Variants in TTC38 observed in about 807,000 individuals in gnomAD.
TTC38 encodes tetratricopeptide repeat protein 38.
TTC38 carries 64 observed loss-of-function variants against 64.2 expected under a neutral mutation model. That is an observed-to-expected ratio of 1.00 (90% CI 0.81 to 1.23). The LOEUF is 1.23. Among genes scored for constraint, TTC38 ranks in the 50% most tolerant of loss-of-function variants. TTC38 has a pLI of 0.00. For synonymous variants in TTC38, 254 were observed against 249.3 expected, an observed-to-expected ratio of 1.02 and a Z score of -0.18; for missense variants, 573 against 615.5, an observed-to-expected ratio of 0.93 and a Z score of 0.73.
chr22:46,276,759 A>AAATATATATT lies in TTC38; in HGVS notation c.539+1340_539+1341insTATATATTAA, dbSNP rs1569017541. ...AAAATATATATAAAATACATATATT[A>AAATATATATT]AAAATATATATTAAATATATATTAA... On this transcript the variant is annotated intron_variant, in intron 5 of 13. Transcript: ENST00000381031. The surrounding 1 kb of genome is among the most constrained non-coding windows in gnomAD (Gnocchi z 4.7). Among the ~76,000 whole-genome samples, 3 of 145,166 alleles carry AAATATATATT rather than the reference A, an allele frequency of 2.1e-5. No individual in the cohort carries two copies. The highest frequency in any genetic ancestry group is 7.6e-5 in the African/African-American group (3 of 39,680).
rs9615933 is a variant in TTC38 at position 46,281,401 on chromosome 22, G to A, written c.616-198G>A. On this transcript the variant is annotated intron_variant, in intron 6 of 13. Coordinates refer to ENST00000381031, the MANE Select transcript of TTC38 (RefSeq NM_017931.4). The surrounding 1 kb of genome is among the most constrained non-coding windows in gnomAD (Gnocchi z 5.2). ...CTTCCTCATCTGTGAACTGGGCAGT[G>A]AGACCCATGAGCTGGTGTGCCCGGG... Among the ~76,000 whole-genome samples, 10,736 of 152,240 alleles carry A rather than the reference G, an allele frequency of 0.071. 528 individuals carry two copies. The highest frequency in any genetic ancestry group is 0.11 in the Non-Finnish European group (7,258 of 67,986).
chr22:46,279,405 T>C (rs1012233311), intron 6 of TTC38, among the ~76,000 whole-genome samples: 2 of 152,216 alleles, frequency 1.3e-5, no homozygotes, highest in African/African-American at 4.8e-5. Flanking sequence ...GATGTCCAAC[T>C]CCTTGTTGCC....
In TTC38 at chr22:46,289,426, C is replaced by G; in HGVS notation, c.1107C>G (p.His369Gln). The part of the protein sequence containing the change: ...ASESPGENCQ[H>Q]LLARDVGLPL... ...GATCCCCAGGGGAGAACTGCCAGCA[C>G]CTCCTGGCCCGAGACGTGGGGCTGC... is the stretch of plus-strand genomic sequence containing the variant. Residue 369 changes from histidine (H) to glutamine (Q), a missense_variant, in exon 12 of 14, where the codon CAC (histidine) becomes CAG (glutamine). By Grantham distance (24) the His-to-Gln change is conservative. Coordinates refer to ENST00000381031, the MANE Select transcript of TTC38 (RefSeq NM_017931.4). The G allele has an allele frequency of 2.5e-6, 4 of 1,609,520 alleles. No individual in the cohort carries two copies. The highest frequency in any genetic ancestry group is 3.4e-6 in the Non-Finnish European group (4 of 1,179,748).
At chr22:46,289,761 T>C in intron 12 of TTC38, 65 bp from the exon 13 acceptor site, 1 of 1,560,102 alleles carries the variant, frequency 6.4e-7, no homozygotes, top group African/African-American at 1.4e-5. Flanking sequence ...CAGCCCGCGG[T>C]GGGCGGGGGC....
Position 46,283,901 on chromosome 22 carries a change from C to G in TTC38, c.736-72C>G, listed in dbSNP as rs1159780478. The G allele has an allele frequency of 5.5e-6, 3 of 547,118 alleles. No individual in the cohort carries two copies. The African/African-American group carries it at 6.7e-5, about 12-fold the overall frequency. The allele number at this position is 547,118 out of a possible 1,614,324, so 33.9% of individuals were successfully genotyped here. On this transcript the variant is annotated intron_variant, in intron 7 of 13. Transcript: ENST00000381031. Reference sequence around the variant, plus strand: ...AAAGATGATGGTTTCTGCATTAGCACAAAACAACATTTGTTTTTTTCCCAT... The same window carrying G: ...AAAGATGATGGTTTCTGCATTAGCAGAAAACAACATTTGTTTTTTTCCCAT...
intron 7 of TTC38, 122 bp from the exon 8 acceptor site, chr22:46,283,851 C>CAAAAAAAAAA (rs58477670): frequency 1.4e-5 from 3 of 210,768 alleles, no homozygotes; most frequent in South Asian, 3.5e-5. Flanking sequence ...GACTTAGTCT[C>CAAAAAAAAAA]AAAAAAAAAA....
intron 2 of TTC38, chr22:46,269,205 C>T (rs1936838908): frequency 5.8e-6 from 2 of 347,682 alleles, no homozygotes; most frequent in Admixed American, 4.1e-5. Flanking sequence ...ATGCTGGCCT[C>T]CCCGGGCCTC....
chr22:46,271,372 C>T lies in TTC38; in HGVS notation c.112-963C>T, dbSNP rs1264931161. Among the ~76,000 whole-genome samples, 2 of 152,060 alleles carry T rather than the reference C, an allele frequency of 1.3e-5. No homozygotes were observed. Among genetic ancestry groups the T allele is most frequent in the African/African-American group, 4.8e-5 (2 of 41,380 alleles). On this transcript the variant is annotated intron_variant, in intron 2 of 13. Transcript: ENST00000381031. This position sits in a 1 kb window ranked among gnomAD's most constrained non-coding sequence, Gnocchi z 5.5. The stretch of plus-strand genomic sequence containing the variant: ...GGATTACAGGCGCCCACCACCACAC[C>T]CGGCTGATTTTTTGTATCTTTAGTA...
rs1054283896 is a variant in TTC38 at position 46,273,757 on chromosome 22, G to T, written c.194-141G>T. ...GCCGAGGCTGAGTTCTAGACAGTAG[G>T]CAGGGCCACAGTGCCCAGCCTGCTG... On this transcript the variant is annotated intron_variant, in intron 3 of 13. Coordinates refer to ENST00000381031, the MANE Select transcript of TTC38 (RefSeq NM_017931.4). This position sits in a 1 kb window ranked among gnomAD's most constrained non-coding sequence, Gnocchi z 5.1. 11 of 741,504 alleles carry T rather than the reference G, an allele frequency of 1.5e-5. 1 individual carries two copies. The highest frequency in any genetic ancestry group is 3.9e-4 in the Middle Eastern group (1 of 2,550). 45.9% of individuals were successfully genotyped at this position (741,504 alleles called of 1,614,324 possible).
rs2077628083 is a variant in TTC38, at chr22:46,293,073, T to A, written c.*189T>A. ...AATGTGATTCCGAATCTCCTTTCAG[T>A]CCTCGAGAAGGGCCAATGAGCATTT... On this transcript the variant is annotated 3_prime_UTR_variant, in exon 14 of 14. Coordinates refer to ENST00000381031, the MANE Select transcript of TTC38 (RefSeq NM_017931.4). The surrounding 1 kb of genome is among the most constrained non-coding windows in gnomAD (Gnocchi z 6.6). 1 of 574,350 alleles carries A rather than the reference T, an allele frequency of 1.7e-6. No homozygotes were observed. The highest frequency in any genetic ancestry group is 2.1e-5 in the South Asian group (1 of 48,780). The allele number at this position is 574,350 out of a possible 1,614,324, so 35.6% of individuals were successfully genotyped here.
Position 46,274,072 on chromosome 22 carries a change from GA to G in TTC38, c.365+4del. 2 of 1,613,692 alleles carry G rather than the reference GA, an allele frequency of 1.2e-6. No homozygotes were observed. The highest frequency in any genetic ancestry group is 1.7e-6 in the Non-Finnish European group (2 of 1,179,914). The stretch of plus-strand genomic sequence containing the variant: ...GCAGTAGAGACATTTGCCAATGGGT[GA>G]GGGGCCTCCCTGGGCTGGGAGCTGG... On this transcript the variant is annotated splice_donor_region_variant and intron_variant, in intron 4 of 13. Coordinates refer to ENST00000381031, the MANE Select transcript of TTC38 (RefSeq NM_017931.4). The surrounding 1 kb of genome is among the most constrained non-coding windows in gnomAD (Gnocchi z 4.8).
At chr22:46,287,841 G>A (rs1025252158) in intron 10 of TTC38, among the ~76,000 whole-genome samples, 2 of 152,252 alleles carry the variant, frequency 1.3e-5, no homozygotes, top group Admixed American at 6.5e-5. Flanking sequence ...AAGCATATGT[G>A]GGGCTTGCTG....
intron 9 of TTC38, among the ~76,000 whole-genome samples, chr22:46,286,825 G>A (rs2077575007): frequency 6.6e-6 from 1 of 152,214 alleles, no homozygotes; most frequent in African/African-American, 2.4e-5. Flanking sequence ...CTTTGGGCCT[G>A]GCCTGGGCCC....
rs1288369714 is a variant in TTC38 at position 46,273,716 on chromosome 22, T to C, written c.194-182T>C. ...GGGTGCCTTTAGGCTTGCAGTTCCC[T>C]CCATGCTTGACAAGAGCCGAGGCTG... On this transcript the variant is annotated intron_variant, in intron 3 of 13. Coordinates refer to ENST00000381031, the MANE Select transcript of TTC38 (RefSeq NM_017931.4). This position sits in a 1 kb window ranked among gnomAD's most constrained non-coding sequence, Gnocchi z 5.1. 3.3e-5 allele frequency among the ~76,000 whole-genome samples: 5 copies of C among 152,184 alleles called. No individual in the cohort carries two copies. Among genetic ancestry groups the C allele is most frequent in the African/African-American group, 9.7e-5 (4 of 41,450 alleles).
At position 46,288,526 on chromosome 22, in the gene TTC38, C is replaced by T. The variant is rs1371739808; in HGVS notation, c.1020C>T (p.Ser340=). The T allele has an allele frequency of 1.2e-6, 2 of 1,613,880 alleles. No homozygotes were observed. The highest frequency in any genetic ancestry group is 2.7e-5 in the African/African-American group (2 of 74,896). Residue 340 remains serine, a synonymous_variant, in exon 11 of 14, where the codon TCC becomes TCT. Transcript: ENST00000381031. ...LFNDAHFLMA[S]LGAHDPQTTQ... ...ATGACGCACACTTCCTGATGGCATC[C>T]CTGGGTGCACACGACCCCCAGACCA...
chr22:46,292,956 G>A lies in TTC38; in HGVS notation c.*72G>A. ...CTGCGTCCAGTCAGCTGCTCCACCGGGTTAGGGTCAGGAGACGGCCAGAGC... is the reference window on the plus strand; with the variant it reads ...CTGCGTCCAGTCAGCTGCTCCACCGAGTTAGGGTCAGGAGACGGCCAGAGC... On this transcript the variant is annotated 3_prime_UTR_variant, in exon 14 of 14. Coordinates refer to ENST00000381031, the MANE Select transcript of TTC38 (RefSeq NM_017931.4). The surrounding 1 kb of genome is among the most constrained non-coding windows in gnomAD (Gnocchi z 6.5). The A allele has an allele frequency of 7.9e-7, 1 of 1,272,464 alleles. No homozygotes were observed. Among genetic ancestry groups the A allele is most frequent in the Non-Finnish European group, 1.1e-6 (1 of 876,198 alleles). The allele number at this position is 1,272,464 out of a possible 1,614,324, so 78.8% of individuals were successfully genotyped here.
chr22:46,287,144 G>A lies in TTC38; in HGVS notation c.906G>A (p.Leu302=), dbSNP rs2077577640. 3.7e-6 allele frequency: 6 copies of A among 1,602,044 alleles called. No homozygotes were observed. Among genetic ancestry groups the A allele is most frequent in the Non-Finnish European group, 4.3e-6 (5 of 1,173,788 alleles). ...VVDSCSMLYR[L]QMEGVSVGQR... is the part of the protein sequence containing the mutation. ...ACAGCTGCTCCATGCTCTACCGCCTGCAGATGGAAGGTAGCCATCCCTGCA... is the reference window on the plus strand; with the variant it reads ...ACAGCTGCTCCATGCTCTACCGCCTACAGATGGAAGGTAGCCATCCCTGCA... The change falls in exon 10 of 14, where the codon CTG becomes CTA. Residue 302 remains leucine (L), a synonymous_variant. Coordinates refer to ENST00000381031, the MANE Select transcript of TTC38 (RefSeq NM_017931.4).
At position 46,276,821 on chromosome 22, in the gene TTC38, T is replaced by TTAAA. The variant is rs2077492551; in HGVS notation, c.539+1403_539+1406dup. On this transcript the variant is annotated intron_variant, in intron 5 of 13. Transcript: ENST00000381031. This position sits in a 1 kb window ranked among gnomAD's most constrained non-coding sequence, Gnocchi z 4.7. The stretch of plus-strand genomic sequence containing the variant: ...AAAATTATATATTAAAATATATATA[T>TTAAA]TAAATATATATATATATATAAACAT... Among the ~76,000 whole-genome samples, 2 of 124,656 alleles carry TTAAA rather than the reference T, an allele frequency of 1.6e-5. No homozygotes were observed. The highest frequency in any genetic ancestry group is 8.8e-5 in the African/African-American group (2 of 22,692). The allele number at this position is 124,656 out of a possible 152,430, so 81.8% of individuals were successfully genotyped here.
chr22:46,278,485 A>T, intron 5 of TTC38, 101 bp from the exon 6 acceptor site: 1 of 971,396 alleles, frequency 1.0e-6, no homozygotes, highest in Non-Finnish European at 1.7e-6. Context: ...TCACATTCCC[A>T]GTGCTGGCAG....
Sources: allele counts gnomAD v4.1 joint callset (sites outside exome capture counted in the v4.1 genomes callset), GRCh38; gene constraint gnomAD v4.1.1; non-coding constraint Gnocchi (gnomAD v3.1); transcripts MANE v1.5; gene names NCBI Gene and HGNC (gene_info 2026-07-23, HGNC 2026-07-21).